The following ARFGEF2 variants were observed in gnomAD, a reference collection of about 807,000 sequenced individuals.
ARFGEF2 encodes the protein brefeldin A-inhibited guanine nucleotide-exchange protein 2.
A neutral mutation model predicts 219.9 loss-of-function variants in ARFGEF2; 74 were observed. The ratio of observed to expected loss-of-function variants is 0.34; its 90% CI spans 0.28 to 0.41. The LOEUF (loss-of-function observed/expected upper bound fraction) is 0.41. Ranked by LOEUF, ARFGEF2 falls within the 10% of genes least tolerant of loss-of-function variation. ARFGEF2 has a pLI of 1.00. For missense variants in ARFGEF2, 1,743 were observed against 2,218.3 expected (o/e 0.79, Z 4.30); for synonymous variants, 733 against 799.2 (o/e 0.92, Z 1.40).
At chr20:48,989,261 A>G (rs764418921) in intron 18 of ARFGEF2, 24 bp from the exon 19 acceptor site, 11 of 1,614,026 alleles carry the variant, frequency 6.8e-6, no homozygotes, top group Admixed American at 1.7e-5. Flanking sequence ...TGCTAGCCAC[A>G]CCTATCATGC....
intron 7 of ARFGEF2, among the ~76,000 whole-genome samples, chr20:48,964,177 G>C (rs1163393460): frequency 6.6e-6 from 1 of 152,228 alleles, no homozygotes; most frequent in Non-Finnish European, 1.5e-5. Flanking sequence ...GGGAGGCCAA[G>C]GCGGGCGGTT....
intron 5 of ARFGEF2, among the ~76,000 whole-genome samples, 161 bp from the exon 6 acceptor site, chr20:48,953,395 C>T (rs910396100): frequency 1.8e-4 from 27 of 152,008 alleles, no homozygotes; most frequent in Non-Finnish European, 1.0e-4. Context: ...AGGTTGGTCT[C>T]GAACTCCTGG....
chr20:48,946,408 A>AG (rs1417021969), intron 3 of ARFGEF2, among the ~76,000 whole-genome samples: 3 of 152,082 alleles, frequency 2.0e-5, no homozygotes, highest in South Asian at 4.1e-4. Flanking sequence ...GCTCAGTGTA[A>AG]GGGGGGTTAA....
At chr20:48,992,675 G>A (rs1025602155) in intron 21 of ARFGEF2, among the ~76,000 whole-genome samples, 23 of 152,170 alleles carry the variant, frequency 1.5e-4, no homozygotes, top group Non-Finnish European at 3.1e-4. Context: ...TGTCATCTCC[G>A]TGGCGTATGG....
At position 49,023,110 on chromosome 20, in the gene ARFGEF2, A is replaced by C. The variant is rs777068717; in HGVS notation, c.4684A>C (p.Thr1562Pro). 6.2e-7 allele frequency: 1 copy of C among 1,614,098 alleles called. No homozygotes were observed. The highest frequency in any genetic ancestry group is 8.5e-7 in the Non-Finnish European group (1 of 1,180,046). The change falls in exon 35 of 39, where the codon ACC becomes CCC. Residue 1562 changes from threonine to proline, a missense_variant. Coordinates refer to ENST00000371917, the MANE Select transcript of ARFGEF2 (RefSeq NM_006420.3). ...KCVVQLELIQ[T>P]IDNIVFYPAT... ...TGTGGTCCAGTTGGAATTGATACAGACCATTGACAACATTGTGTTCTACCC... is the reference window on the plus strand; with the variant it reads ...TGTGGTCCAGTTGGAATTGATACAGCCCATTGACAACATTGTGTTCTACCC...
chr20:49,022,621 A>T (rs1426736766), intron 34 of ARFGEF2, among the ~76,000 whole-genome samples: 1 of 152,132 alleles, frequency 6.6e-6, no homozygotes, highest in Non-Finnish European at 1.5e-5. Flanking sequence ...CTTTGCTCAA[A>T]TGTCACATTT....
At position 48,984,734 on chromosome 20, in the gene ARFGEF2, A is replaced by G. The variant is rs777989316; in HGVS notation, c.1964A>G (p.Asn655Ser). ...CCCATCTCTGCTTGAAACAGGTTCA[A>G]CAAGAAACCCAAGAGGGGGATCCAG... ...EIIEHGIELF[N>S]KKPKRGIQFL... The change falls in exon 15 of 39, where the codon AAC becomes AGC. Residue 655 changes from asparagine (N) to serine (S), a missense_variant. Transcript: ENST00000371917. 6.2e-7 allele frequency: 1 copy of G among 1,613,922 alleles called. No individual in the cohort carries two copies. The highest frequency in any genetic ancestry group is 1.3e-5 in the African/African-American group (1 of 74,904).
chr20:48,975,657 C>T (rs772000694), intron 13 of ARFGEF2, among the ~76,000 whole-genome samples: 74 of 151,758 alleles, frequency 4.9e-4, no homozygotes, highest in Non-Finnish European at 9.0e-4. Flanking sequence ...AAAAATTAGC[C>T]GGGTGTGGTG....
chr20:48,941,553 A>G (rs1406208763), intron 2 of ARFGEF2, among the ~76,000 whole-genome samples: 1 of 152,184 alleles, frequency 6.6e-6, no homozygotes, highest in Non-Finnish European at 1.5e-5. Context: ...AGCTTGCACC[A>G]TGAGTGGTTA....
intron 6 of ARFGEF2, among the ~76,000 whole-genome samples, chr20:48,963,143 T>A (rs1333829086): frequency 4.4e-5 from 6 of 135,260 alleles, no homozygotes; most frequent in African/African-American, 1.6e-4. Context: ...GCCATTGCAC[T>A]CCAGCCTGGG....
At chr20:48,990,050 A>C (rs1024621221) in intron 20 of ARFGEF2, among the ~76,000 whole-genome samples, 1 of 152,158 alleles carries the variant, frequency 6.6e-6, no homozygotes, top group East Asian at 1.9e-4. Context: ...GTGGTGGTAC[A>C]TGCCTATAAT....
At chr20:48,963,068 C>T (rs2091163846) in intron 6 of ARFGEF2, among the ~76,000 whole-genome samples, 1 of 150,284 alleles carries the variant, frequency 6.7e-6, no homozygotes, top group South Asian at 2.1e-4. Flanking sequence ...ATTAGCCGGG[C>T]GTGGTGAGGA....
At chr20:49,005,284 C>T (rs1234862916) in intron 26 of ARFGEF2, 63 bp downstream of exon 26, 2 of 1,590,730 alleles carry the variant, frequency 1.3e-6, no homozygotes, top group African/African-American at 2.7e-5. Context: ...AGAAGCCCTC[C>T]TAACACTAAC....
At chr20:48,939,220 G>C (rs1467872779) in intron 1 of ARFGEF2, among the ~76,000 whole-genome samples, 3 of 152,006 alleles carry the variant, frequency 2.0e-5, no homozygotes, top group African/African-American at 7.3e-5. Context: ...TGATCTGCCT[G>C]CCTCGGCCTC....
At chr20:49,022,959 A>T (rs957030623) in intron 34 of ARFGEF2, 92 bp from the exon 35 acceptor site, 3 of 1,554,212 alleles carry the variant, frequency 1.9e-6, no homozygotes, top group African/African-American at 2.7e-5. Flanking sequence ...TTAAAAAAAT[A>T]AATCATGCCT....
intron 12 of ARFGEF2, among the ~76,000 whole-genome samples, chr20:48,974,143 T>TTTG (rs386393901): frequency 7.9e-6 from 1 of 126,086 alleles, no homozygotes; most frequent in Non-Finnish European, 1.6e-5. Flanking sequence ...TTTTTTTTTT[T>TTTG]GAGACAGAAT....
intron 25 of ARFGEF2, among the ~76,000 whole-genome samples, chr20:48,999,746 T>TAAAAAAA (rs761792091): frequency 9.0e-6 from 1 of 111,402 alleles, no homozygotes; most frequent in Non-Finnish European, 1.8e-5. Flanking sequence ...GACTCCGTCT[T>TAAAAAAA]AAAAAAAAAA....
At chr20:48,936,670 G>A (rs915642782) in intron 1 of ARFGEF2, among the ~76,000 whole-genome samples, 37 of 152,192 alleles carry the variant, frequency 2.4e-4, no homozygotes, top group Middle Eastern at 3.4e-3. Flanking sequence ...GACTACAGGC[G>A]TGCACCACCA....
rs1276344205 is a variant in ARFGEF2, at chr20:48,972,347, C to A, written c.1447C>A (p.Leu483Met). The change falls in exon 11 of 39, where the codon CTG (leucine) becomes ATG (methionine). Residue 483 changes from leucine (L) to methionine (M), a missense_variant. This residue lies in a region of ARFGEF2 where 666 missense variants were observed against 955.4 expected (regional missense o/e 0.70). Coordinates refer to ENST00000371917, the MANE Select transcript of ARFGEF2 (RefSeq NM_006420.3). Reference sequence around the variant, plus strand: ...ATAGGTCTTTTTCAAAGAGATTTTCCTGAACATTTTAGAAACATCAACAAG... The same window carrying A: ...ATAGGTCTTTTTCAAAGAGATTTTCATGAACATTTTAGAAACATCAACAAG... Reference protein sequence around the residue: ...QIEVFFKEIFLNILETSTSSF... With the variant: ...QIEVFFKEIFMNILETSTSSF... 6.2e-7 allele frequency: 1 copy of A among 1,613,638 alleles called. No homozygotes were observed. Among genetic ancestry groups the A allele is most frequent in the Non-Finnish European group, 8.5e-7 (1 of 1,179,546 alleles).
Sources: allele counts gnomAD v4.1 joint callset (sites outside exome capture counted in the v4.1 genomes callset), GRCh38; gene constraint gnomAD v4.1.1; regional missense constraint gnomAD v4.1.1; transcripts MANE v1.5; gene names NCBI Gene and HGNC (gene_info 2026-07-23, HGNC 2026-07-21).